The following MPEG1 variants were observed in gnomAD, a reference collection of about 807,000 sequenced individuals.
MPEG1 encodes macrophage expressed 1, also known as macrophage-expressed gene 1 protein.
For missense variants in MPEG1, 876 were observed against 880.3 expected (o/e 1.00, Z 0.06); for synonymous variants, 365 against 351.9 (o/e 1.04, Z -0.42).
rs778990248 is a variant in MPEG1 at position 59,211,173 on chromosome 11, G to A, written c.1693C>T (p.Pro565Ser). The stretch of plus-strand genomic sequence containing the variant: ...TGGCATCCATCGCTGATGAGGGCTG[G>A]GTGCTGGCTGAAGCCCCCGGGGCAC... The part of the protein sequence containing the change: ...KKCPGGFSQH[P>S]ALISDGCQVS... Residue 565 changes from proline to serine, a missense_variant, in exon 1 of 1, where the codon CCA becomes TCA. Coordinates refer to ENST00000361050, the MANE Select transcript of MPEG1 (RefSeq NM_001039396.2). 68 of 1,614,072 alleles carry A rather than the reference G, an allele frequency of 4.2e-5. No homozygotes were observed. Among genetic ancestry groups the A allele is most frequent in the African/African-American group, 2.7e-5 (2 of 74,916 alleles).
Position 59,211,649 on chromosome 11 carries a change from A to G in MPEG1, c.1217T>C (p.Leu406Pro), listed in dbSNP as rs1862894055. The G allele has an allele frequency of 6.2e-7, 1 of 1,614,178 alleles. No homozygotes were observed. The change falls in exon 1 of 1, where the codon CTC becomes CCC. Residue 406 changes from leucine to proline, a missense_variant. Transcript: ENST00000361050. ...LCQKLEQKNP[L>P]TGDFSCPSGY... ...AGAGGGGCAGGAGAAATCACCAGTGAGTGGATTCTTCTGCTCCAACTTTTG... is the reference window on the plus strand; with the variant it reads ...AGAGGGGCAGGAGAAATCACCAGTGGGTGGATTCTTCTGCTCCAACTTTTG...
chr11:59,209,155 G>A lies in MPEG1; in HGVS notation c.*1560C>T, dbSNP rs1862855719. On this transcript the variant is annotated 3_prime_UTR_variant, in exon 1 of 1. Transcript: ENST00000361050. The stretch of plus-strand genomic sequence containing the variant: ...TCAGTGTCTCTGGCTGGGCAGTCAA[G>A]AGAGCGGGCTCAAATTCTGTGACTC... 1 of 152,126 alleles carries A rather than the reference G, an allele frequency of 6.6e-6. No individual in the cohort carries two copies. The highest frequency in any genetic ancestry group is 2.1e-4 in the South Asian group (1 of 4,816). The allele number at this position is 152,126 out of a possible 1,614,324, so 9.4% of individuals were successfully genotyped here. A position where few individuals can be genotyped will look rare whatever the true frequency, so the allele number is the denominator to read the frequency against.
chr11:59,212,425 A>G lies in MPEG1; in HGVS notation c.441T>C (p.Thr147=), dbSNP rs1345896527. The change falls in exon 1 of 1, where the codon ACT becomes ACC. Residue 147 remains threonine (T), a synonymous_variant. Transcript: ENST00000361050. ...CGAGGTTTCTTACCTGAACTCGGGTAGTTATAGCTTGGTCCTTCACTTGGA... is the reference window on the plus strand; with the variant it reads ...CGAGGTTTCTTACCTGAACTCGGGTGGTTATAGCTTGGTCCTTCACTTGGA... The part of the protein sequence containing the change: ...KTLQVKDQAI[T]TRVQVRNLVY... 2 of 1,614,024 alleles carry G rather than the reference A, an allele frequency of 1.2e-6. No individual in the cohort carries two copies. Among genetic ancestry groups the G allele is most frequent in the Non-Finnish European group, 1.7e-6 (2 of 1,180,012 alleles).
rs576657627 is a variant in MPEG1 at position 59,211,693 on chromosome 11, A to G, written c.1173T>C (p.Asn391=). The change falls in exon 1 of 1, where the codon AAT becomes AAC. Residue 391 remains asparagine, a synonymous_variant. Transcript: ENST00000361050. ...VYQECTQLSG[N]RDVLLCQKLE... is the part of the protein sequence containing the mutation. ...ACTTTTGGCAGAGGAGGACATCCCTATTCCCTGAGAGCTGAGTGCATTCCT... is the reference window on the plus strand; with the variant it reads ...ACTTTTGGCAGAGGAGGACATCCCTGTTCCCTGAGAGCTGAGTGCATTCCT... The G allele has an allele frequency of 3.1e-6, 5 of 1,614,190 alleles. No individual in the cohort carries two copies. The South Asian group carries it at 4.4e-5, about 14-fold the overall frequency.
chr11:59,212,590 GCT>G lies in MPEG1; in HGVS notation c.274_275del (p.Ser92GlnfsTer18), dbSNP rs1335771963. On this transcript the variant is annotated frameshift_variant, in exon 1 of 1. Coordinates refer to ENST00000361050, the MANE Select transcript of MPEG1 (RefSeq NM_001039396.2). LOFTEE classifies it low-confidence loss of function (END_TRUNC). ...GGATTTCTGAGTTCATCTCCAGGTT[GCT>G]CTGTTTCTGGGGAATGGTGAAGATT... ...DEIFTIPQKQ[S>X]NLEMNSEILE... The G allele has an allele frequency of 6.2e-7, 1 of 1,614,064 alleles. No homozygotes were observed. Among genetic ancestry groups the G allele is most frequent in the Non-Finnish European group, 8.5e-7 (1 of 1,180,042 alleles).
Position 59,211,954 on chromosome 11 carries a change from G to T in MPEG1, c.912C>A (p.Asp304Glu). 4 of 1,612,030 alleles carry T rather than the reference G, an allele frequency of 2.5e-6. No individual in the cohort carries two copies. The highest frequency in any genetic ancestry group is 3.4e-6 in the Non-Finnish European group (4 of 1,178,562). ...QGITNHLVAI[D>E]RSGLPLHFFI... ...AGAAATGCAGCGGCAGGCCAGAGCGGTCGATGGCCACCAGGTGGTTGGTGA... is the reference window on the plus strand; with the variant it reads ...AGAAATGCAGCGGCAGGCCAGAGCGTTCGATGGCCACCAGGTGGTTGGTGA... The change falls in exon 1 of 1, where the codon GAC (aspartate) becomes GAA (glutamate). Residue 304 changes from aspartate to glutamate, a missense_variant. Physicochemically the swap from Asp to Glu is conservative, Grantham distance 45. Coordinates refer to ENST00000361050, the MANE Select transcript of MPEG1 (RefSeq NM_001039396.2).
rs1862874743 is a variant in MPEG1 at position 59,210,544 on chromosome 11, C to T, written c.*171G>A. The T allele has an allele frequency of 1.6e-6, 1 of 636,986 alleles. No homozygotes were observed. The highest frequency in any genetic ancestry group is 1.8e-5 in the African/African-American group (1 of 54,536). The allele number at this position is 636,986 out of a possible 1,614,324, so 39.5% of individuals were successfully genotyped here. ...TTCTAGTCCCAACTGTTCCCTCTCCCCAATCCCAACCTTATCCATGTAACA... is the reference window on the plus strand; with the variant it reads ...TTCTAGTCCCAACTGTTCCCTCTCCTCAATCCCAACCTTATCCATGTAACA... On this transcript the variant is annotated 3_prime_UTR_variant, in exon 1 of 1. Coordinates refer to ENST00000361050, the MANE Select transcript of MPEG1 (RefSeq NM_001039396.2).
chr11:59,211,475 CA>C lies in MPEG1; in HGVS notation c.1390del (p.Trp464GlyfsTer25), dbSNP rs1862890822. The C allele has an allele frequency of 6.2e-7, 1 of 1,614,052 alleles. No homozygotes were observed. The highest frequency in any genetic ancestry group is 1.7e-5 in the Admixed American group (1 of 60,006). ...AGGTACTTGGCTGCTGGCCACACACCAAAAAGCCCTAAATTCAGCTTTTGCC... is the reference window on the plus strand; with the variant it reads ...AGGTACTTGGCTGCTGGCCACACACCAAAAGCCCTAAATTCAGCTTTTGCC... The part of the protein sequence containing the change: ...QVAKAEFRAF[W>X]CVASSQVPEN... On this transcript the variant is annotated frameshift_variant, in exon 1 of 1. Transcript: ENST00000361050. LOFTEE classifies it low-confidence loss of function (END_TRUNC).
At position 59,210,950 on chromosome 11, in the gene MPEG1, C is replaced by T. The variant is rs773612654; in HGVS notation, c.1916G>A (p.Arg639Gln). 5.0e-6 allele frequency: 8 copies of T among 1,614,046 alleles called. No individual in the cohort carries two copies. The highest frequency in any genetic ancestry group is 1.7e-5 in the Admixed American group (1 of 60,004). The change falls in exon 1 of 1, where the codon CGG (arginine) becomes CAG (glutamine). Residue 639 changes from arginine (R) to glutamine (Q), a missense_variant. Arg to Gln is a conservative substitution (Grantham distance 43). Transcript: ENST00000361050. ...QWRLGEPIEL[R>Q]RAMNVIHGDG... is the part of the protein sequence containing the mutation. The stretch of plus-strand genomic sequence containing the variant: ...CCCATGGATGACATTCATGGCCCTC[C>T]GCAGCTCTATCGGTTCTCCCAGCCT...
Position 59,211,122 on chromosome 11 carries a change from G to T in MPEG1, c.1744C>A (p.Leu582Ile), listed in dbSNP as rs1190882582. 1.2e-6 allele frequency: 2 copies of T among 1,614,204 alleles called. No individual in the cohort carries two copies. Among genetic ancestry groups the T allele is most frequent in the Non-Finnish European group, 1.7e-6 (2 of 1,180,036 alleles). ...GGGGGCAGGGACCCTCCTGTGAAGA[G>T]CCCGGATTTGACGCAATAGGACACT... The part of the protein sequence containing the change: ...CQVSYCVKSG[L>I]FTGGSLPPAR... The change falls in exon 1 of 1, where the codon CTC (leucine) becomes ATC (isoleucine). Residue 582 changes from leucine to isoleucine, a missense_variant. Transcript: ENST00000361050.
Position 59,210,334 on chromosome 11 carries a change from G to GTGGTC in MPEG1, c.*380_*381insGACCA. On this transcript the variant is annotated 3_prime_UTR_variant, in exon 1 of 1. Coordinates refer to ENST00000361050, the MANE Select transcript of MPEG1 (RefSeq NM_001039396.2). ...AAATAAAAGGAGAGTAGTTCTTACA[G>GTGGTC]GCAGAAACTCTTAGAGCTCACAAAT... 1.1e-5 allele frequency: 2 copies of GTGGTC among 185,876 alleles called. No individual in the cohort carries two copies. The highest frequency in any genetic ancestry group is 1.1e-4 in the Admixed American group (2 of 17,396). 11.5% of individuals were successfully genotyped at this position (185,876 alleles called of 1,614,324 possible). A position where few individuals can be genotyped will look rare whatever the true frequency, so the allele number is the denominator to read the frequency against.
At position 59,209,269 on chromosome 11, in the gene MPEG1, G is replaced by A. The variant is rs1862857056; in HGVS notation, c.*1446C>T. 1 of 152,154 alleles carries A rather than the reference G, an allele frequency of 6.6e-6. No individual in the cohort carries two copies. The highest frequency in any genetic ancestry group is 1.5e-5 in the Non-Finnish European group (1 of 68,034). The allele number at this position is 152,154 out of a possible 1,614,324, so 9.4% of individuals were successfully genotyped here. A position where few individuals can be genotyped will look rare whatever the true frequency, so the allele number is the denominator to read the frequency against. On this transcript the variant is annotated 3_prime_UTR_variant, in exon 1 of 1. Transcript: ENST00000361050. ...ATACTTCAAACTCCTTGGGTGAAGGGCCTCTTCTCAGCCCAAGATCTTGAT... is the reference window on the plus strand; with the variant it reads ...ATACTTCAAACTCCTTGGGTGAAGGACCTCTTCTCAGCCCAAGATCTTGAT...
In MPEG1 at chr11:59,210,093, G is replaced by A. The variant is rs1862869703; in HGVS notation, c.*622C>T. On this transcript the variant is annotated 3_prime_UTR_variant, in exon 1 of 1. Coordinates refer to ENST00000361050, the MANE Select transcript of MPEG1 (RefSeq NM_001039396.2). ...CCAGTCAGAAGTCCAAGAGTGGTCT[G>A]GTATAAGGGAGTGTTCATCAAGGGG... 1 of 152,314 alleles carries A rather than the reference G, an allele frequency of 6.6e-6. No individual in the cohort carries two copies. The highest frequency in any genetic ancestry group is 2.4e-5 in the African/African-American group (1 of 41,404). 9.4% of individuals were successfully genotyped at this position (152,314 alleles called of 1,614,324 possible). A position where few individuals can be genotyped will look rare whatever the true frequency, so the allele number is the denominator to read the frequency against.
Position 59,211,736 on chromosome 11 carries a change from G to A in MPEG1, c.1130C>T (p.Ser377Phe). ...GCATTCCTGATAAACCCCACCGAAA[G>A]AGAAGTTGGTCATTTTCCCCTCGCA... ...GSCEGKMTNFSFGGVYQECTQ... is the reference protein window; with the variant it reads ...GSCEGKMTNFFFGGVYQECTQ... Residue 377 changes from serine (S) to phenylalanine (F), a missense_variant, in exon 1 of 1, where the codon TCT (serine) becomes TTT (phenylalanine). By Grantham distance (155) the Ser-to-Phe change is radical. Transcript: ENST00000361050. 1.2e-6 allele frequency: 2 copies of A among 1,614,216 alleles called. No homozygotes were observed. The highest frequency in any genetic ancestry group is 1.7e-6 in the Non-Finnish European group (2 of 1,180,052).
rs1862911422 is a variant in MPEG1 at position 59,212,636 on chromosome 11, T to C, written c.230A>G (p.Gln77Arg). The C allele has an allele frequency of 6.2e-7, 1 of 1,614,112 alleles. No homozygotes were observed. Among genetic ancestry groups the C allele is most frequent in the South Asian group, 1.1e-5 (1 of 91,086 alleles). The change falls in exon 1 of 1, where the codon CAG becomes CGG. Residue 77 changes from glutamine to arginine, a missense_variant. Gln to Arg is a conservative substitution (Grantham distance 43). Transcript: ENST00000361050. Reference sequence around the variant, plus strand: ...GAAGATTTCATCAGGGATGATATACTGTCCATCCTCTGTTGTCCTGCAGTT... The same window carrying C: ...GAAGATTTCATCAGGGATGATATACCGTCCATCCTCTGTTGTCCTGCAGTT... The part of the protein sequence containing the change: ...YSNCRTTEDG[Q>R]YIIPDEIFTI...
chr11:59,212,007 T>C lies in MPEG1; in HGVS notation c.859A>G (p.Ile287Val), dbSNP rs753318510. The change falls in exon 1 of 1, where the codon ATC becomes GTC. Residue 287 changes from isoleucine (I) to valine (V), a missense_variant. By Grantham distance (29) the Ile-to-Val change is conservative. Coordinates refer to ENST00000361050, the MANE Select transcript of MPEG1 (RefSeq NM_001039396.2). Reference protein sequence around the residue: ...SIGGVPFYPGITLQAWQQGIT... With the variant: ...SIGGVPFYPGVTLQAWQQGIT... Reference sequence around the variant, plus strand: ...CCCTGCTGCCAGGCCTGGAGGGTGATGCCTGGGTAAAAAGGAACCCCTCCA... The same window carrying C: ...CCCTGCTGCCAGGCCTGGAGGGTGACGCCTGGGTAAAAAGGAACCCCTCCA... 4 of 1,610,246 alleles carry C rather than the reference T, an allele frequency of 2.5e-6. No homozygotes were observed. The highest frequency in any genetic ancestry group is 2.2e-5 in the South Asian group (2 of 90,754).
chr11:59,211,350 G>A lies in MPEG1; in HGVS notation c.1516C>T (p.Leu506Phe), dbSNP rs1439594171. 1 of 1,614,204 alleles carries A rather than the reference G, an allele frequency of 6.2e-7. No individual in the cohort carries two copies. The highest frequency in any genetic ancestry group is 8.5e-7 in the Non-Finnish European group (1 of 1,180,036). The change falls in exon 1 of 1, where the codon CTC (leucine) becomes TTC (phenylalanine). Residue 506 changes from leucine to phenylalanine, a missense_variant. Transcript: ENST00000361050. ...ACACATACCTTGAGGTTTTCAAAGAGTCTCAGTGGAAAGTAGCCGGCTGGG... is the reference window on the plus strand; with the variant it reads ...ACACATACCTTGAGGTTTTCAAAGAATCTCAGTGGAAAGTAGCCGGCTGGG... ...SCPAGYFPLRLFENLKVCVSQ... is the reference protein window; with the variant it reads ...SCPAGYFPLRFFENLKVCVSQ...
chr11:59,210,636 G>A lies in MPEG1; in HGVS notation c.*79C>T, dbSNP rs1167813898. 3 of 1,346,260 alleles carry A rather than the reference G, an allele frequency of 2.2e-6. No homozygotes were observed. Among genetic ancestry groups the A allele is most frequent in the Admixed American group, 2.0e-5 (1 of 50,482 alleles). The allele number at this position is 1,346,260 out of a possible 1,614,324, so 83.4% of individuals were successfully genotyped here. ...AATATACCTACTTTTGGTTGCACTTGCCATTTCAATGCTTAGGAAAACAGA... is the reference window on the plus strand; with the variant it reads ...AATATACCTACTTTTGGTTGCACTTACCATTTCAATGCTTAGGAAAACAGA... On this transcript the variant is annotated 3_prime_UTR_variant, in exon 1 of 1. Coordinates refer to ENST00000361050, the MANE Select transcript of MPEG1 (RefSeq NM_001039396.2).
Position 59,209,375 on chromosome 11 carries a change from C to T in MPEG1, c.*1340G>A, listed in dbSNP as rs1381527464. ...CATTTGATTCAGTGAATAAATATATCATTTAAAAAAATATTGTAGGGGGAT... is the reference window on the plus strand; with the variant it reads ...CATTTGATTCAGTGAATAAATATATTATTTAAAAAAATATTGTAGGGGGAT... On this transcript the variant is annotated 3_prime_UTR_variant, in exon 1 of 1. Transcript: ENST00000361050. 1.3e-5 allele frequency: 2 copies of T among 152,068 alleles called. No homozygotes were observed. 9.4% of individuals were successfully genotyped at this position (152,068 alleles called of 1,614,324 possible).
Sources: allele counts gnomAD v4.1 joint callset, GRCh38; gene constraint gnomAD v4.1.1; transcripts MANE v1.5; gene names NCBI Gene and HGNC (gene_info 2026-07-23, HGNC 2026-07-21).